Variants in LGSN observed in about 807,000 individuals in gnomAD.
The protein encoded by LGSN is lengsin, lens protein with glutamine synthetase domain, also known as lengsin.
Under a neutral mutation model 19.5 loss-of-function variants are expected in LGSN, and 21 were observed. The observed-to-expected ratio is 1.07, with a 90% CI of 0.76 to 1.55. The LOEUF (loss-of-function observed/expected upper bound fraction) is 1.55, where lower values mean the gene tolerates loss of function less well. Ranked by LOEUF, LGSN falls within the 40% of genes most tolerant of loss-of-function variation. The pLI, the probability that LGSN is intolerant of heterozygous loss-of-function variation, is 0.00. For missense variants in LGSN, 673 were observed against 608.5 expected (o/e 1.11, Z -1.12); for synonymous variants, 257 against 215.6 (o/e 1.19, Z -1.68).
the LGSN span, among the ~76,000 whole-genome samples, chr6:63,348,741 CTTTTTTT>C: frequency 5.6e-5 from 6 of 106,704 alleles, 1 homozygote; most frequent in African/African-American, 1.0e-4. Flanking sequence ...AAGATTTTTA[CTTTTTTT>C]TTTTTTTTTT....
chr6:63,391,724 G>A, the LGSN span, among the ~76,000 whole-genome samples: 2 of 152,182 alleles, frequency 1.3e-5, no homozygotes, highest in African/African-American at 2.4e-5. Context: ...TTCATGGGCT[G>A]ATAGCGAGGC....
At chr6:63,336,241 G>C in the LGSN span, among the ~76,000 whole-genome samples, 1 of 152,080 alleles carries the variant, frequency 6.6e-6, no homozygotes, top group Non-Finnish European at 1.5e-5. Flanking sequence ...GAGAGGACTT[G>C]AAATGTACTA....
At chr6:63,568,566 G>A in the LGSN span, among the ~76,000 whole-genome samples, 6 of 152,016 alleles carry the variant, frequency 3.9e-5, no homozygotes, top group East Asian at 1.2e-3. Flanking sequence ...TTACCAAGAT[G>A]TAACACAGAG....
At chr6:63,522,413 A>G in the LGSN span, among the ~76,000 whole-genome samples, 1 of 152,212 alleles carries the variant, frequency 6.6e-6, no homozygotes, top group African/African-American at 2.4e-5. Context: ...CCTGCAGGAG[A>G]TAATTTCATC....
chr6:63,534,309 T>A, the LGSN span, among the ~76,000 whole-genome samples: 1 of 152,170 alleles, frequency 6.6e-6, no homozygotes, highest in African/African-American at 2.4e-5. Flanking sequence ...TCTGATGCCA[T>A]GCAATCTCTC....
At chr6:63,353,459 G>A in the LGSN span, among the ~76,000 whole-genome samples, 2 of 151,972 alleles carry the variant, frequency 1.3e-5, no homozygotes, top group Admixed American at 1.3e-4. Context: ...CTATCACAGA[G>A]TATTTTGTAG....
chr6:63,482,590 A>G, the LGSN span, among the ~76,000 whole-genome samples: 5 of 152,168 alleles, frequency 3.3e-5, no homozygotes, highest in Admixed American at 3.3e-4. Flanking sequence ...TCAGCCAGGC[A>G]TGGTGGTGCA....
chr6:63,509,633 G>A, the LGSN span, among the ~76,000 whole-genome samples: 1 of 152,162 alleles, frequency 6.6e-6, no homozygotes, highest in African/African-American at 2.4e-5. Flanking sequence ...TATAAAGGAT[G>A]AAGTGATAAA....
At chr6:63,302,799 T>A (rs1419689710) in intron 1 of LGSN, among the ~76,000 whole-genome samples, 1 of 152,172 alleles carries the variant, frequency 6.6e-6, no homozygotes, top group Non-Finnish European at 1.5e-5. Flanking sequence ...AGCTGCCTGG[T>A]CCTTCTCAAG....
the LGSN span, among the ~76,000 whole-genome samples, chr6:63,434,159 C>A: frequency 1.3e-5 from 2 of 152,048 alleles, no homozygotes; most frequent in African/African-American, 2.4e-5. Flanking sequence ...TGTGACCTGG[C>A]TGGGCGCAGT....
At chr6:63,316,442 C>A (rs1390238168) in intron 1 of LGSN, among the ~76,000 whole-genome samples, 2 of 151,958 alleles carry the variant, frequency 1.3e-5, no homozygotes, top group Non-Finnish European at 2.9e-5. Context: ...GAAAAATATA[C>A]CTAACCAAAC....
At chr6:63,566,048 A>G in the LGSN span, among the ~76,000 whole-genome samples, 1 of 152,238 alleles carries the variant, frequency 6.6e-6, no homozygotes, top group Non-Finnish European at 1.5e-5. Context: ...TTTACACTAC[A>G]TTGTTGTCTG....
At chr6:63,313,867 A>AATAAATAC (rs1403931018) in intron 1 of LGSN, among the ~76,000 whole-genome samples, 159 of 88,920 alleles carry the variant, frequency 1.8e-3, no homozygotes, top group Middle Eastern at 5.5e-3. Flanking sequence ...TAAATAAATA[A>AATAAATAC]ATACATACAT....
At chr6:63,408,082 A>G in the LGSN span, among the ~76,000 whole-genome samples, 1 of 152,244 alleles carries the variant, frequency 6.6e-6, no homozygotes, top group Non-Finnish European at 1.5e-5. Flanking sequence ...AAGAATCAAT[A>G]TCATGAAAAT....
chr6:63,436,389 C>T, the LGSN span, among the ~76,000 whole-genome samples: 2 of 152,192 alleles, frequency 1.3e-5, no homozygotes, highest in African/African-American at 4.8e-5. Context: ...GCATGAGCCA[C>T]TGCGCCTGGC....
In LGSN at chr6:63,285,680, G is replaced by A. The variant is rs775135523; in HGVS notation, c.237C>T (p.Ala79=). 9 of 1,613,854 alleles carry A rather than the reference G, an allele frequency of 5.6e-6. No individual in the cohort carries two copies. Among genetic ancestry groups the A allele is most frequent in the Non-Finnish European group, 7.6e-6 (9 of 1,179,930 alleles). Residue 79 remains alanine, a synonymous_variant, in exon 3 of 4, where the codon GCC becomes GCT. Coordinates refer to ENST00000370657, the MANE Select transcript of LGSN (RefSeq NM_016571.3). Reference sequence around the variant, plus strand: ...CAAACTGGAGGCGATTTTTGGCCATGGCTTGTCTAATGTGTTTCATTCTAG... The same window carrying A: ...CAAACTGGAGGCGATTTTTGGCCATAGCTTGTCTAATGTGTTTCATTCTAG... ...LSSRMKHIRQ[A]MAKNRLQFVR...
At position 63,280,637 on chromosome 6, in the gene LGSN, T is replaced by G. The variant is rs373109134; in HGVS notation, c.914A>C (p.Glu305Ala). ...KYNYIASFFI[E>A]TGFCDSGILS... ...AATCCCTGAATCACAAAATCCAGTC[T>G]CAATGAAGAAGCTGGCAATGTAATT... is the stretch of plus-strand genomic sequence containing the variant. Residue 305 changes from glutamate (E) to alanine (A), a missense_variant, in exon 4 of 4, where the codon GAG becomes GCG. Coordinates refer to ENST00000370657, the MANE Select transcript of LGSN (RefSeq NM_016571.3). The G allele has an allele frequency of 3.1e-6, 5 of 1,613,900 alleles. No individual in the cohort carries two copies. The highest frequency in any genetic ancestry group is 4.2e-6 in the Non-Finnish European group (5 of 1,180,026).
chr6:63,500,136 G>T, the LGSN span, among the ~76,000 whole-genome samples: 1 of 152,058 alleles, frequency 6.6e-6, no homozygotes, highest in African/African-American at 2.4e-5. Flanking sequence ...GGCCAGTATT[G>T]TCTGCCCAAA....
chr6:63,546,952 A>T, the LGSN span, among the ~76,000 whole-genome samples: 1 of 152,180 alleles, frequency 6.6e-6, no homozygotes, highest in Admixed American at 6.5e-5. Context: ...AATATATTTA[A>T]TTTTTGTCAA....
Sources: allele counts gnomAD v4.1 joint callset (sites outside exome capture counted in the v4.1 genomes callset), GRCh38; gene constraint gnomAD v4.1.1; transcripts MANE v1.5; gene names NCBI Gene and HGNC (gene_info 2026-07-23, HGNC 2026-07-21).